Variants in SNTG1 observed in about 807,000 individuals in gnomAD.
SNTG1 encodes the protein gamma-1-syntrophin.
In SNTG1, 39 loss-of-function variants were observed where a neutral mutation model predicts 74.7. That is an observed-to-expected ratio of 0.52 (90% CI 0.40 to 0.68). The LOEUF (loss-of-function observed/expected upper bound fraction) is 0.68. Ranked by LOEUF, SNTG1 falls within the 30% of genes least tolerant of loss-of-function variation. SNTG1 has a pLI of 0.00. For synonymous variants in SNTG1, 254 were observed against 217.1 expected (o/e 1.17, Z -1.49); for missense variants, 685 against 609.5 (o/e 1.12, Z -1.30).
intron 2 of SNTG1, among the ~76,000 whole-genome samples, chr8:50,299,288 C>T (rs2089535337): frequency 1.3e-5 from 2 of 152,102 alleles, no homozygotes; most frequent in Admixed American, 1.3e-4. Context: ...CTCTTGGACT[C>T]AAAATACCCT....
intron 13 of SNTG1, among the ~76,000 whole-genome samples, chr8:50,651,636 T>A (rs968232783): frequency 6.6e-6 from 1 of 151,788 alleles, no homozygotes; most frequent in Non-Finnish European, 1.5e-5. Context: ...TTTGTATTTT[T>A]AGTAGAGACG....
intron 1 of SNTG1, among the ~76,000 whole-genome samples, chr8:49,959,895 G>A (rs1392347356): frequency 2.6e-5 from 4 of 152,146 alleles, no homozygotes; most frequent in Non-Finnish European, 5.9e-5. Flanking sequence ...AATCCTTTAA[G>A]GTAAAATGGA....
chr8:50,364,806 A>T (rs2092061611), intron 2 of SNTG1, among the ~76,000 whole-genome samples: 1 of 152,010 alleles, frequency 6.6e-6, no homozygotes, highest in African/African-American at 2.4e-5. Context: ...GTTCTTTTTT[A>T]TTGCAGTAAT....
intron 2 of SNTG1, among the ~76,000 whole-genome samples, chr8:50,290,970 C>A (rs1375210801): frequency 2.6e-5 from 4 of 152,122 alleles, no homozygotes; most frequent in African/African-American, 7.2e-5. Flanking sequence ...GTTACCCAGG[C>A]TGGTCTCGAT....
intron 1 of SNTG1, among the ~76,000 whole-genome samples, chr8:50,159,699 GTA>G (rs1388280147): frequency 6.6e-6 from 1 of 152,148 alleles, no homozygotes; most frequent in African/African-American, 2.4e-5. Flanking sequence ...CCATACGTGT[GTA>G]CTTGAGTATT....
chr8:50,619,997 C>T (rs191370097), intron 13 of SNTG1, among the ~76,000 whole-genome samples: 10 of 151,878 alleles, frequency 6.6e-5, no homozygotes, highest in African/African-American at 2.4e-4. Context: ...TTAAACAGCA[C>T]AGATTTCTCA....
chr8:50,508,467 C>T (rs964825049), intron 9 of SNTG1, among the ~76,000 whole-genome samples: 1 of 152,180 alleles, frequency 6.6e-6, no homozygotes, highest in Admixed American at 6.5e-5. Flanking sequence ...AATGGTATTT[C>T]TAGTTCTAGA....
intron 15 of SNTG1, 52 bp downstream of exon 15, chr8:50,658,715 G>A: frequency 8.0e-7 from 1 of 1,242,566 alleles, no homozygotes; most frequent in Admixed American, 2.0e-5. Context: ...AGCAAATAGT[G>A]CCTCTGGGCT....
chr8:50,758,237 A>G (rs545025495), intron 18 of SNTG1, among the ~76,000 whole-genome samples: 5 of 151,906 alleles, frequency 3.3e-5, no homozygotes, highest in Non-Finnish European at 7.4e-5. Flanking sequence ...TGTCCCTGCC[A>G]TATCTGCACC....
intron 1 of SNTG1, among the ~76,000 whole-genome samples, chr8:50,071,457 A>C (rs1216503762): frequency 6.6e-6 from 1 of 152,098 alleles, no homozygotes; most frequent in Admixed American, 6.5e-5. Flanking sequence ...TGTGTGTATT[A>C]TATACGTATA....
rs893689026 is a variant in SNTG1 at position 50,343,627 on chromosome 8, T to C, written c.-27-50585T>C. On this transcript the variant is annotated intron_variant, in intron 2 of 18. Coordinates refer to ENST00000642720, the MANE Select transcript of SNTG1 (RefSeq NM_018967.5). ...TAGCAAGCTATTAGATTTGGAAAGA[T>C]AAGATTTGGGAAATGATTTATTGTA... Among the ~76,000 whole-genome samples, 5 of 152,282 alleles carry C rather than the reference T, an allele frequency of 3.3e-5. No homozygotes were observed. In the South Asian group the frequency reaches 6.2e-4, roughly 19 times the overall value.
chr8:50,111,424 T>TCC (rs2080584453), intron 1 of SNTG1, among the ~76,000 whole-genome samples: 1 of 151,926 alleles, frequency 6.6e-6, no homozygotes, highest in East Asian at 1.9e-4. Context: ...TCTCTCTCTC[T>TCC]CTCTTTCCCT....
chr8:50,289,938 GTCA>G (rs2089001026), intron 2 of SNTG1, among the ~76,000 whole-genome samples: 1 of 152,134 alleles, frequency 6.6e-6, no homozygotes, highest in Non-Finnish European at 1.5e-5. Context: ...TCCGCAGAAT[GTCA>G]TCACAGAATT....
chr8:50,758,311 T>G (rs1295649812), intron 18 of SNTG1, among the ~76,000 whole-genome samples: 1 of 151,904 alleles, frequency 6.6e-6, no homozygotes, highest in Non-Finnish European at 1.5e-5. Flanking sequence ...TGATTTGCAA[T>G]ATTTTCTTTT....
chr8:50,205,937 T>A (rs1386980184), intron 2 of SNTG1, among the ~76,000 whole-genome samples: 1 of 152,212 alleles, frequency 6.6e-6, no homozygotes, highest in East Asian at 1.9e-4. Flanking sequence ...ATATCTGTTT[T>A]GGTACCAGTA....
chr8:50,394,095 G>A, intron 2 of SNTG1, 117 bp from the exon 3 acceptor site: 2 of 659,500 alleles, frequency 3.0e-6, no homozygotes, highest in South Asian at 4.5e-5. Context: ...TTCCTTACAA[G>A]TGGTTGTAAA....
intron 2 of SNTG1, among the ~76,000 whole-genome samples, chr8:50,271,403 T>G (rs1445059964): frequency 6.6e-6 from 1 of 152,212 alleles, no homozygotes; most frequent in Admixed American, 6.5e-5. Context: ...TCACTTCTTT[T>G]TAAAATTAGT....
intron 17 of SNTG1, among the ~76,000 whole-genome samples, chr8:50,734,702 ATCTC>A (rs1481518480): frequency 2.1e-5 from 3 of 145,686 alleles, no homozygotes; most frequent in South Asian, 2.1e-4. Context: ...ACATATATAT[ATCTC>A]TCTATATATG....
At chr8:50,653,436 T>C (rs558970237) in intron 13 of SNTG1, among the ~76,000 whole-genome samples, 3 of 152,184 alleles carry the variant, frequency 2.0e-5, no homozygotes, top group Non-Finnish European at 4.4e-5. Context: ...TCTAAAAAAA[T>C]ATATTAGTAA....
Sources: gnomAD v4.1 joint callset for allele counts (sites outside exome capture counted in the v4.1 genomes callset) on GRCh38, gnomAD v4.1.1 for gene constraint, MANE v1.5 for transcripts, NCBI Gene and HGNC (gene_info 2026-07-23, HGNC 2026-07-21) for gene names.